SLC14A2: variants seen among roughly 807,000 people sequenced by gnomAD.
SLC14A2 encodes the protein urea transporter 2.
SLC14A2 carries 91 observed loss-of-function variants against 104.6 expected under a neutral mutation model. The ratio of observed to expected loss-of-function variants is 0.87; its 90% CI spans 0.73 to 1.04. SLC14A2 has a LOEUF of 1.04. Ranked by LOEUF, SLC14A2 falls within the 50% of genes least tolerant of loss-of-function variation. SLC14A2 has a pLI of 0.00. For synonymous variants in SLC14A2, 476 were observed against 466.4 expected (o/e 1.02, Z -0.27); for missense variants, 1,189 against 1,156.0 (o/e 1.03, Z -0.41).
intron 1 of SLC14A2, among the ~76,000 whole-genome samples, chr18:45,326,530 C>G (rs2085236273): frequency 6.6e-6 from 1 of 152,136 alleles, no homozygotes; most frequent in Non-Finnish European, 1.5e-5. Flanking sequence ...CTCCTCTGCC[C>G]CTTCAACCAT....
intron 1 of SLC14A2, among the ~76,000 whole-genome samples, chr18:45,270,348 C>T (rs1353061680): frequency 1.3e-5 from 2 of 152,052 alleles, no homozygotes; most frequent in East Asian, 1.9e-4. Flanking sequence ...AAACTCAACC[C>T]AAGACAGGAA....
rs770734884 is a variant in SLC14A2, at chr18:45,641,236, C to G, written c.1019C>G (p.Thr340Ser). 3.7e-6 allele frequency: 6 copies of G among 1,612,930 alleles called. No individual in the cohort carries two copies. Among genetic ancestry groups the G allele is most frequent in the Non-Finnish European group, 5.1e-6 (6 of 1,179,628 alleles). The stretch of plus-strand genomic sequence containing the variant: ...CTGTCAGTGGCCACACCCTTCGAGA[C>G]CATCTACACAGGCCTCTGGAGCTAC... ...AALSVATPFETIYTGLWSYNC... is the reference protein window; with the variant it reads ...AALSVATPFESIYTGLWSYNC... The change falls in exon 8 of 20, where the codon ACC becomes AGC. Residue 340 changes from threonine to serine, a missense_variant. Coordinates refer to ENST00000255226, the MANE Select transcript of SLC14A2 (RefSeq NM_007163.4).
intron 1 of SLC14A2, among the ~76,000 whole-genome samples, chr18:45,408,002 A>T (rs1388994451): frequency 1.3e-5 from 2 of 152,208 alleles, no homozygotes; most frequent in Admixed American, 6.5e-5. Context: ...TTGGAAAAAA[A>T]TGGTGCCAGC....
At chr18:45,612,101 A>G (rs185078228), upstream of SLC14A2, among the ~76,000 whole-genome samples, 130 of 152,346 alleles carry the variant, frequency 8.5e-4, 2 homozygotes, top group Admixed American at 2.6e-3. Context: ...ATACATAAAC[A>G]GCAATGACAG....
chr18:45,530,743 C>T (rs901496632), intron 2 of SLC14A2, among the ~76,000 whole-genome samples: 3 of 152,014 alleles, frequency 2.0e-5, no homozygotes, highest in Non-Finnish European at 4.4e-5. Flanking sequence ...TACATGTGCA[C>T]AACATGCAGG....
At chr18:45,191,743 T>C in the SLC14A2 span, among the ~76,000 whole-genome samples, 1 of 151,968 alleles carries the variant, frequency 6.6e-6, no homozygotes, top group African/African-American at 2.4e-5. Context: ...GACCTAGGGG[T>C]GTCAAGCAGA....
At chr18:45,350,776 A>T (rs749935340) in intron 1 of SLC14A2, among the ~76,000 whole-genome samples, 13 of 152,164 alleles carry the variant, frequency 8.5e-5, no homozygotes, top group Admixed American at 5.2e-4. Context: ...AGGAAAAAAA[A>T]AAAAGCTCCC....
In SLC14A2 at chr18:45,598,831, C is replaced by A. The variant is rs148829218; in HGVS notation, c.-34-25800C>A. On this transcript the variant is annotated intron_variant, in intron 2 of 20. Transcript: ENST00000586448. Reference sequence around the variant, plus strand: ...TATCTTTCTAAGGAGCATCTTTCAGCTGCCTTCAGGCAATAATTCCTCAAT... The same window carrying A: ...TATCTTTCTAAGGAGCATCTTTCAGATGCCTTCAGGCAATAATTCCTCAAT... 7.2e-3 allele frequency among the ~76,000 whole-genome samples: 1,102 copies of A among 152,348 alleles called. 44 individuals carry two copies. Among genetic ancestry groups the A allele is most frequent in the Admixed American group, 0.062 (956 of 15,306 alleles).
chr18:45,640,757 C>G (rs2045512557), intron 7 of SLC14A2, among the ~76,000 whole-genome samples: 1 of 152,240 alleles, frequency 6.6e-6, no homozygotes, highest in South Asian at 2.1e-4. Flanking sequence ...GATGTACCCA[C>G]TGTTCACATC....
intron 1 of SLC14A2, among the ~76,000 whole-genome samples, chr18:45,275,243 C>G (rs1025185196): frequency 6.6e-6 from 1 of 152,098 alleles, no homozygotes; most frequent in Non-Finnish European, 1.5e-5. Flanking sequence ...ACAAATACTT[C>G]AAAATTTTCT....
chr18:45,279,541 G>C (rs1015529610), intron 1 of SLC14A2, among the ~76,000 whole-genome samples: 4 of 152,062 alleles, frequency 2.6e-5, no homozygotes, highest in Admixed American at 1.3e-4. Flanking sequence ...GGTTTTGTTG[G>C]GGGGTGGGGA....
chr18:45,541,327 C>T (rs568429537), intron 2 of SLC14A2, among the ~76,000 whole-genome samples: 1 of 152,334 alleles, frequency 6.6e-6, no homozygotes, highest in East Asian at 1.9e-4. Context: ...GGCCCCTTTG[C>T]TCCTTTAGAC....
chr18:45,455,225 G>C (rs2086922569), intron 1 of SLC14A2, among the ~76,000 whole-genome samples: 1 of 152,110 alleles, frequency 6.6e-6, no homozygotes, highest in South Asian at 2.1e-4. Context: ...ATTCACAATA[G>C]CAAAGACTTG....
intron 2 of SLC14A2, among the ~76,000 whole-genome samples, chr18:45,499,821 C>G (rs2043163042): frequency 6.6e-6 from 1 of 152,154 alleles, no homozygotes; most frequent in Non-Finnish European, 1.5e-5. Flanking sequence ...CCTCATAGAG[C>G]TAGTCTGAGT....
intron 2 of SLC14A2, among the ~76,000 whole-genome samples, chr18:45,596,770 CTT>C (rs1369943456): frequency 2.0e-5 from 3 of 152,202 alleles, no homozygotes; most frequent in Non-Finnish European, 4.4e-5. Context: ...GATTATGAAA[CTT>C]AATACAGCTA....
intron 2 of SLC14A2, among the ~76,000 whole-genome samples, chr18:45,561,182 G>A (rs976407684): frequency 6.6e-6 from 1 of 152,140 alleles, no homozygotes; most frequent in Non-Finnish European, 1.5e-5. Context: ...TCTTATGGTT[G>A]AGTATGTGCC....
chr18:45,452,637 A>G (rs1411410105), intron 1 of SLC14A2, among the ~76,000 whole-genome samples: 1 of 152,172 alleles, frequency 6.6e-6, no homozygotes, highest in Non-Finnish European at 1.5e-5. Flanking sequence ...CTCCAACACC[A>G]TGGACTAGAA....
At chr18:45,237,283 G>T (rs2084264547) in intron 1 of SLC14A2, among the ~76,000 whole-genome samples, 2 of 152,270 alleles carry the variant, frequency 1.3e-5, no homozygotes, top group South Asian at 4.1e-4. Flanking sequence ...GAAGCCTCAA[G>T]AGGAAAACAC....
At chr18:45,196,341 C>T in the SLC14A2 span, among the ~76,000 whole-genome samples, 2 of 152,108 alleles carry the variant, frequency 1.3e-5, no homozygotes, top group Non-Finnish European at 1.5e-5. Context: ...CTCATTCAAT[C>T]GCATGTATGT....
Sources: gnomAD v4.1 joint callset for allele counts (sites outside exome capture counted in the v4.1 genomes callset) on GRCh38, gnomAD v4.1.1 for gene constraint, MANE v1.5 for transcripts, NCBI Gene and HGNC (gene_info 2026-07-23, HGNC 2026-07-21) for gene names.